Variants in OSBPL11 observed in about 807,000 individuals in gnomAD.
OSBPL11 encodes the protein oxysterol binding protein like 11, also known as oxysterol-binding protein-related protein 11.
Under a neutral mutation model 84.4 loss-of-function variants are expected in OSBPL11, and 33 were observed. The ratio of observed to expected loss-of-function variants is 0.39; its 90% CI spans 0.30 to 0.52. The LOEUF (loss-of-function observed/expected upper bound fraction) is 0.52, where lower values mean the gene tolerates loss of function less well. Ranked by LOEUF, OSBPL11 falls within the 20% of genes least tolerant of loss-of-function variation. OSBPL11 has a pLI of 0.72. For synonymous variants in OSBPL11, 276 were observed against 310.2 expected (o/e 0.89, Z 1.16); for missense variants, 736 against 901.1 (o/e 0.82, Z 2.35).
chr3:125,556,062 C>T (rs1278844094), intron 8 of OSBPL11, among the ~76,000 whole-genome samples: 4 of 152,250 alleles, frequency 2.6e-5, no homozygotes, highest in African/African-American at 7.2e-5. Flanking sequence ...TTCACATTCG[C>T]TTCTTACAAA....
chr3:125,530,623 T>C, intron 12 of OSBPL11, 43 bp from the exon 13 acceptor site: 2 of 1,507,466 alleles, frequency 1.3e-6, no homozygotes, highest in South Asian at 2.3e-5. Context: ...TCTAATATTA[T>C]CAAAATCAGT....
At chr3:125,546,122 T>TAAAAAAAAAAAAAAAAAAAAAAAA (rs769745638) in intron 10 of OSBPL11, among the ~76,000 whole-genome samples, 1 of 134,234 alleles carries the variant, frequency 7.4e-6, no homozygotes. Context: ...TCCTGTCTCT[T>TAAAAAAAAAAAAAAAAAAAAAAAA]AAAAAAAAAA....
chr3:125,541,284 T>C (rs779511613), intron 10 of OSBPL11, among the ~76,000 whole-genome samples: 20 of 152,344 alleles, frequency 1.3e-4, no homozygotes, highest in East Asian at 1.9e-4. Context: ...TAGCCCCAGA[T>C]AGCACTTAGC....
intron 10 of OSBPL11, among the ~76,000 whole-genome samples, chr3:125,544,850 C>T (rs1935787390): frequency 6.6e-6 from 1 of 152,146 alleles, no homozygotes; most frequent in South Asian, 2.1e-4. Flanking sequence ...CAATAAATGA[C>T]ATAGAATACA....
chr3:125,549,283 C>CA (rs1362392525), intron 9 of OSBPL11, among the ~76,000 whole-genome samples: 2 of 152,246 alleles, frequency 1.3e-5, no homozygotes, highest in Non-Finnish European at 2.9e-5. Context: ...CTCGGGCTCC[C>CA]AAAGTGCTGG....
chr3:125,570,758 C>T (rs537416584), intron 5 of OSBPL11, among the ~76,000 whole-genome samples: 8 of 152,296 alleles, frequency 5.3e-5, no homozygotes, highest in Non-Finnish European at 7.3e-5. Context: ...CCTTGACTTC[C>T]GCCATGACTG....
In OSBPL11 at chr3:125,532,446, G is replaced by A. The variant is rs114141623; in HGVS notation, c.2025-432C>T. 8.7e-3 allele frequency among the ~76,000 whole-genome samples: 1,319 copies of A among 152,124 alleles called. 18 individuals carry two copies. The highest frequency in any genetic ancestry group is 0.028 in the African/African-American group (1,180 of 41,502). ...TACAATAGTGGTTTTCAGATACTGAGCAAAAGGCAGTGCAGGGCAGTGATC... is the reference window on the plus strand; with the variant it reads ...TACAATAGTGGTTTTCAGATACTGAACAAAAGGCAGTGCAGGGCAGTGATC... On this transcript the variant is annotated intron_variant, in intron 11 of 12. Coordinates refer to ENST00000296220, the MANE Select transcript of OSBPL11 (RefSeq NM_022776.5).
intron 2 of OSBPL11, among the ~76,000 whole-genome samples, chr3:125,582,227 C>A (rs1001733925): frequency 2.0e-5 from 3 of 151,526 alleles, no homozygotes; most frequent in Admixed American, 2.0e-4. Flanking sequence ...TCCAGCTACT[C>A]AGGAGGCTGA....
At chr3:125,591,452 C>T (rs144538385) in intron 1 of OSBPL11, among the ~76,000 whole-genome samples, 2 of 152,314 alleles carry the variant, frequency 1.3e-5, no homozygotes, top group Admixed American at 1.3e-4. Context: ...AAACAAGCTG[C>T]CAAGTTGTAA....
intron 8 of OSBPL11, among the ~76,000 whole-genome samples, chr3:125,557,279 T>G (rs1227535567): frequency 6.6e-6 from 1 of 152,252 alleles, no homozygotes; most frequent in Non-Finnish European, 1.5e-5. Context: ...GCACAGTGTC[T>G]GGAATATAAC....
At chr3:125,546,300 T>A (rs758579472) in intron 10 of OSBPL11, among the ~76,000 whole-genome samples, 4 of 151,310 alleles carry the variant, frequency 2.6e-5, no homozygotes, top group Non-Finnish European at 2.9e-5. Flanking sequence ...CAGCCTCCTG[T>A]GGCATTACAG....
intron 6 of OSBPL11, among the ~76,000 whole-genome samples, chr3:125,565,600 T>C (rs1263517807): frequency 6.6e-6 from 1 of 152,160 alleles, no homozygotes; most frequent in African/African-American, 2.4e-5. Flanking sequence ...ATGGGGAGTA[T>C]ACTAATATAT....
Position 125,537,142 on chromosome 3 carries a change from A to G in OSBPL11, c.2024+1309T>C, listed in dbSNP as rs534567555. Among the ~76,000 whole-genome samples the G allele has an allele frequency of 6.5e-5, 9 of 137,994 alleles. No individual in the cohort carries two copies. In the East Asian group the frequency reaches 2.0e-3, roughly 30 times the overall value. 90.5% of individuals were successfully genotyped at this position (137,994 alleles called of 152,430 possible). A position where few individuals can be genotyped will look rare whatever the true frequency, so the allele number is the denominator to read the frequency against. ...CCGACCACACTCCAGCCTGGGTGACAGGGTGAGACCCTGTCTCAAAAAAAA... is the reference window on the plus strand; with the variant it reads ...CCGACCACACTCCAGCCTGGGTGACGGGGTGAGACCCTGTCTCAAAAAAAA... On this transcript the variant is annotated intron_variant, in intron 11 of 12. Transcript: ENST00000296220.
rs1362748131 is a variant in OSBPL11, at chr3:125,529,983, C to T, written c.*532G>A. On this transcript the variant is annotated 3_prime_UTR_variant, in exon 13 of 13. Coordinates refer to ENST00000296220, the MANE Select transcript of OSBPL11 (RefSeq NM_022776.5). Reference sequence around the variant, plus strand: ...GAAGAAATAGAATGCCTTGTTACCACAACCTGGTTGATTTTTTTTTTTAAA... The same window carrying T: ...GAAGAAATAGAATGCCTTGTTACCATAACCTGGTTGATTTTTTTTTTTAAA... The T allele has an allele frequency of 8.0e-6, 1 of 124,536 alleles. No individual in the cohort carries two copies. The highest frequency in any genetic ancestry group is 1.6e-5 in the Non-Finnish European group (1 of 63,340). The allele number at this position is 124,536 out of a possible 1,614,324, so 7.7% of individuals were successfully genotyped here. A position where few individuals can be genotyped will look rare whatever the true frequency, so the allele number is the denominator to read the frequency against.
At chr3:125,593,944 C>T (rs968200862) in intron 1 of OSBPL11, among the ~76,000 whole-genome samples, 3 of 152,132 alleles carry the variant, frequency 2.0e-5, no homozygotes, top group Non-Finnish European at 2.9e-5. Context: ...TATGAAAAAA[C>T]AAAAACAAAA....
intron 4 of OSBPL11, among the ~76,000 whole-genome samples, chr3:125,577,155 C>T (rs1160064305): frequency 4.0e-5 from 6 of 151,570 alleles, no homozygotes; most frequent in South Asian, 4.2e-4. Context: ...GGTTTTAGGC[C>T]GAAATTACAA....
chr3:125,538,814 G>T (rs1453601936), intron 10 of OSBPL11, among the ~76,000 whole-genome samples, 181 bp from the exon 11 acceptor site: 1 of 152,068 alleles, frequency 6.6e-6, no homozygotes, highest in African/African-American at 2.4e-5. Flanking sequence ...TTCATAATTT[G>T]TTCAAATAAT....
intron 1 of OSBPL11, among the ~76,000 whole-genome samples, chr3:125,586,869 A>G (rs1186933680): frequency 2.0e-5 from 3 of 152,226 alleles, no homozygotes; most frequent in Admixed American, 2.0e-4. Flanking sequence ...AAAAGTTTTT[A>G]AAATTAAGCT....
At chr3:125,551,852 T>C (rs1225231353) in intron 9 of OSBPL11, among the ~76,000 whole-genome samples, 1 of 151,950 alleles carries the variant, frequency 6.6e-6, no homozygotes, top group African/African-American at 2.4e-5. Flanking sequence ...AGAATTTACA[T>C]TAGTTCATAG....
Sources: gnomAD v4.1 joint callset for allele counts (sites outside exome capture counted in the v4.1 genomes callset) on GRCh38, gnomAD v4.1.1 for gene constraint, MANE v1.5 for transcripts, NCBI Gene and HGNC (gene_info 2026-07-23, HGNC 2026-07-21) for gene names.